Variants in USP28 observed in about 807,000 individuals in gnomAD.
The protein encoded by USP28 is ubiquitin specific peptidase 28, also known as ubiquitin carboxyl-terminal hydrolase 28.
A neutral mutation model predicts 145.0 loss-of-function variants in USP28; 113 were observed. That is an observed-to-expected ratio of 0.78 (90% confidence interval 0.67 to 0.91). The LOEUF (loss-of-function observed/expected upper bound fraction) is 0.91, where lower values mean the gene tolerates loss of function less well. Among genes scored for constraint, USP28 ranks in the 40% least tolerant of loss-of-function variants. The pLI is 0.00. For missense variants in USP28, 1,201 were observed against 1,289.6 expected (o/e 0.93, Z 1.05); for synonymous variants, 447 against 450.9 (o/e 0.99, Z 0.11).
chr11:113,872,205 G>C (rs1036473333), intron 1 of USP28, among the ~76,000 whole-genome samples: 2 of 152,174 alleles, frequency 1.3e-5, no homozygotes, highest in Non-Finnish European at 2.9e-5. Flanking sequence ...GATCTCGCCT[G>C]GTAAGATGCT....
intron 12 of USP28, chr11:113,818,121 T>G (rs1942029757): frequency 3.2e-6 from 1 of 313,060 alleles, no homozygotes; most frequent in Non-Finnish European, 5.8e-6. Context: ...CATATTACAT[T>G]TAGGCTTTGG....
chr11:113,810,034 CAAAAAAAA>C (rs368686301), intron 16 of USP28, among the ~76,000 whole-genome samples: 1 of 68,984 alleles, frequency 1.4e-5, no homozygotes, highest in Admixed American at 1.8e-4. Flanking sequence ...GACTCCATCT[CAAAAAAAA>C]AAAAAAAAAA....
chr11:113,864,343 G>C (rs930415478), intron 1 of USP28, among the ~76,000 whole-genome samples: 1 of 152,206 alleles, frequency 6.6e-6, no homozygotes, highest in African/African-American at 2.4e-5. Flanking sequence ...GAGTTCCCCA[G>C]AGAAACAGAA....
At chr11:113,874,998 T>C in intron 1 of USP28, 1 of 851,614 alleles carries the variant, frequency 1.2e-6, no homozygotes, top group South Asian at 5.2e-5. Flanking sequence ...GGTGATTAAT[T>C]CCGGACTTTA....
chr11:113,823,886 C>G (rs1942990557), intron 11 of USP28, among the ~76,000 whole-genome samples, 186 bp from the exon 12 acceptor site: 1 of 152,134 alleles, frequency 6.6e-6, no homozygotes, highest in Non-Finnish European at 1.5e-5. Flanking sequence ...CAAGGATACC[C>G]ACTCTTGCTA....
intron 19 of USP28, among the ~76,000 whole-genome samples, chr11:113,805,868 G>C (rs1344938488): frequency 2.0e-5 from 3 of 152,154 alleles, no homozygotes; most frequent in African/African-American, 7.2e-5. Context: ...GAGAAGAGAA[G>C]TGAACAGCTT....
chr11:113,801,027 G>A (rs1938916873), intron 24 of USP28, among the ~76,000 whole-genome samples: 1 of 152,068 alleles, frequency 6.6e-6, no homozygotes, highest in East Asian at 1.9e-4. Flanking sequence ...ATTTTTAGTA[G>A]AGATGGGGTT....
intron 11 of USP28, among the ~76,000 whole-genome samples, chr11:113,825,153 T>C (rs1034053186): frequency 1.3e-5 from 2 of 152,008 alleles, no homozygotes; most frequent in African/African-American, 4.8e-5. Flanking sequence ...GCCATAGTAA[T>C]CAAAACAATA....
intron 18 of USP28, 55 bp downstream of exon 18, chr11:113,808,243 C>T: frequency 3.2e-6 from 5 of 1,584,846 alleles, no homozygotes; most frequent in Non-Finnish European, 3.4e-6. Context: ...AGAAAACTGG[C>T]CATCGCTGCT....
chr11:113,809,934 C>T (rs975531091), intron 16 of USP28, among the ~76,000 whole-genome samples: 1 of 148,614 alleles, frequency 6.7e-6, no homozygotes, highest in African/African-American at 2.5e-5. Context: ...ACTTAGAAGG[C>T]TGAAGTGGGA....
chr11:113,849,255 C>G (rs988070019), intron 3 of USP28, among the ~76,000 whole-genome samples: 1 of 152,220 alleles, frequency 6.6e-6, no homozygotes, highest in Non-Finnish European at 1.5e-5. Context: ...ATCCTATCCA[C>G]ACTTTGACAG....
At position 113,853,169 on chromosome 11, in the gene USP28, T is replaced by C. The variant is rs184141289; in HGVS notation, c.136-536A>G. On this transcript the variant is annotated intron_variant, in intron 2 of 24. Coordinates refer to ENST00000003302, the Ensembl canonical transcript of USP28. ...AATACAAAAACTAGCCAGGCGTGAG[T>C]CCCAGCTACTAGGGAGGCTGAGGTG... Among the ~76,000 whole-genome samples, 19 of 151,586 alleles carry C rather than the reference T, an allele frequency of 1.3e-4. No homozygotes were observed. The East Asian group carries it at 3.7e-3, about 30-fold the overall frequency.
At chr11:113,827,127 A>G (rs1015546521) in intron 11 of USP28, 106 bp downstream of exon 11, 6 of 1,373,156 alleles carry the variant, frequency 4.4e-6, no homozygotes, top group South Asian at 3.1e-5. Flanking sequence ...CCAAATTTGC[A>G]TATTATCATG....
chr11:113,829,193 G>T lies in USP28; in HGVS notation c.1059+4C>A. 1 of 1,610,970 alleles carries T rather than the reference G, an allele frequency of 6.2e-7. No homozygotes were observed. Among genetic ancestry groups the T allele is most frequent in the Non-Finnish European group, 8.5e-7 (1 of 1,179,516 alleles). On this transcript the variant is annotated splice_donor_region_variant and intron_variant, in intron 10 of 24. Coordinates refer to ENST00000003302, the Ensembl canonical transcript of USP28. ...GGCACAGCAAATAAAGATCTCCAACGTACCTCTTGTCCATACTTCACCGAG... is the reference window on the plus strand; with the variant it reads ...GGCACAGCAAATAAAGATCTCCAACTTACCTCTTGTCCATACTTCACCGAG...
chr11:113,808,403 G>C, exon 18 of USP28: 18 of 1,614,102 alleles, frequency 1.1e-5, no homozygotes, highest in Non-Finnish European at 1.5e-5. Flanking sequence ...CAGACGACAA[G>C]CAGCGAACCC....
intron 1 of USP28, among the ~76,000 whole-genome samples, chr11:113,863,322 A>G (rs975225520): frequency 2.0e-5 from 3 of 152,220 alleles, no homozygotes; most frequent in Non-Finnish European, 4.4e-5. Context: ...ATTTGACCAA[A>G]GAGGTAAAAA....
At chr11:113,832,124 T>C in intron 7 of USP28, 131 bp from the exon 8 acceptor site, 1 of 828,732 alleles carries the variant, frequency 1.2e-6, no homozygotes, top group Non-Finnish European at 1.9e-6. Flanking sequence ...TCTTTTTTTG[T>C]TTTGAGACAG....
chr11:113,825,200 A>C (rs1943154655), intron 11 of USP28, among the ~76,000 whole-genome samples: 1 of 152,140 alleles, frequency 6.6e-6, no homozygotes, highest in African/African-American at 2.4e-5. Flanking sequence ...GACAGAACAG[A>C]CTCCAGATAT....
chr11:113,804,363 A>C (rs577343796), intron 21 of USP28, among the ~76,000 whole-genome samples: 4 of 152,348 alleles, frequency 2.6e-5, no homozygotes, highest in Non-Finnish European at 5.9e-5. Context: ...TTTAATGCGT[A>C]TTTTTAAAAC....
Sources: allele counts gnomAD v4.1 joint callset (sites outside exome capture counted in the v4.1 genomes callset), GRCh38; gene constraint gnomAD v4.1.1; transcripts MANE v1.5; gene names NCBI Gene and HGNC (gene_info 2026-07-23, HGNC 2026-07-21).